FAAH2: variants seen among roughly 807,000 people sequenced by gnomAD.
The protein encoded by FAAH2 is fatty acid amide hydrolase 2.
FAAH2 carries 60 observed loss-of-function variants against 36.9 expected under a neutral mutation model. The observed-to-expected ratio is 1.63, with a 90% confidence interval of 1.32 to 2.02. The LOEUF is 2.02. FAAH2 is among the 30% of genes most tolerant of loss of function. The pLI, the probability that FAAH2 is intolerant of heterozygous loss-of-function variation, is 0.00. For missense variants in FAAH2, 689 were observed against 397.5 expected, an observed-to-expected ratio of 1.73 and a Z score of -6.23; for synonymous variants, 214 against 143.8, an observed-to-expected ratio of 1.49 and a Z score of -3.49.
chrX:57,321,606 T>C (rs2053028559), intron 3 of FAAH2, among the ~76,000 whole-genome samples: 2 of 110,798 alleles, frequency 1.8e-5, no homozygotes, highest in Non-Finnish European at 3.8e-5. Context: ...TTGGTAGATT[T>C]TTCTCAATTT....
At chrX:57,403,231 C>A in intron 7 of FAAH2, among the ~76,000 whole-genome samples, 1 of 112,205 alleles carries the variant, frequency 8.9e-6, no homozygotes. Context: ...ACGCCAGCAC[C>A]CCTAGTAATT....
chrX:57,307,379 A>G (rs1331918415), intron 2 of FAAH2, among the ~76,000 whole-genome samples: 1 of 110,353 alleles, frequency 9.1e-6, no homozygotes, highest in African/African-American at 3.3e-5. Context: ...AAACTGAAAT[A>G]CAGAAAGGTT....
the FAAH2 span, among the ~76,000 whole-genome samples, chrX:57,205,112 G>T: frequency 8.9e-6 from 1 of 112,434 alleles, no homozygotes; most frequent in Non-Finnish European, 1.9e-5. Flanking sequence ...TCAAATGAGG[G>T]AATATGTGTG....
At chrX:57,161,158 G>A in the FAAH2 span, among the ~76,000 whole-genome samples, 2 of 111,793 alleles carry the variant, frequency 1.8e-5, no homozygotes, top group African/African-American at 6.5e-5. Flanking sequence ...GTTTCCATGA[G>A]GTTGAGCAGT....
chrX:57,333,599 T>TAAAA (rs60693418), intron 4 of FAAH2, among the ~76,000 whole-genome samples: 5 of 104,420 alleles, frequency 4.8e-5, no homozygotes, highest in African/African-American at 1.0e-4. Flanking sequence ...ATGCTAGAAA[T>TAAAA]AAAAAAAAAA....
At chrX:57,434,548 G>A (rs1471604206) in intron 8 of FAAH2, among the ~76,000 whole-genome samples, 1 of 109,019 alleles carries the variant, frequency 9.2e-6, no homozygotes, top group Non-Finnish European at 1.9e-5. Flanking sequence ...CCAAGCAGAA[G>A]GAAGACTCTC....
At chrX:57,393,585 G>T in intron 7 of FAAH2, 1 of 899,262 alleles carries the variant, frequency 1.1e-6, no homozygotes, top group South Asian at 2.0e-5. Flanking sequence ...ATGAGATTGG[G>T]CTTGATTGTG....
At chrX:57,304,036 A>T (rs1023311959) in intron 2 of FAAH2, among the ~76,000 whole-genome samples, 4 of 110,568 alleles carry the variant, frequency 3.6e-5, no homozygotes, top group Non-Finnish European at 7.6e-5. Flanking sequence ...GTGAAACCCC[A>T]TCTCTACTAA....
intron 10 of FAAH2, among the ~76,000 whole-genome samples, chrX:57,477,679 C>T (rs914381564): frequency 6.8e-5 from 7 of 103,385 alleles, no homozygotes; most frequent in African/African-American, 2.4e-4. Context: ...AAGATGTTTC[C>T]CTTCCTGTGC....
At chrX:57,229,347 A>T in the FAAH2 span, 1 of 111,734 alleles carries the variant, frequency 8.9e-6, no homozygotes, top group Non-Finnish European at 1.9e-5. Flanking sequence ...TTCCCTTCCC[A>T]ATAGGGCTTC....
chrX:57,483,970 T>C (rs1161404229), intron 10 of FAAH2, among the ~76,000 whole-genome samples: 1 of 109,240 alleles, frequency 9.2e-6, no homozygotes, highest in Non-Finnish European at 1.9e-5. Flanking sequence ...CACACCCAGC[T>C]AATTTTGTAT....
At chrX:57,458,889 G>A (rs1021150429) in intron 10 of FAAH2, among the ~76,000 whole-genome samples, 5 of 112,225 alleles carry the variant, frequency 4.5e-5, no homozygotes, top group African/African-American at 1.6e-4. Flanking sequence ...AAACTGGGAG[G>A]CTGTTTGGGC....
At chrX:57,290,273 G>T (rs1275500685) in intron 1 of FAAH2, 5 of 747,560 alleles carry the variant, frequency 6.7e-6, no homozygotes, top group Admixed American at 9.3e-5. Flanking sequence ...AAGATCTTTG[G>T]GGTTGTATAC....
At chrX:57,403,565 A>G (rs2055492599) in intron 7 of FAAH2, among the ~76,000 whole-genome samples, 1 of 112,873 alleles carries the variant, frequency 8.9e-6, no homozygotes. Flanking sequence ...TTCATTTCAG[A>G]GAGGGTGTGG....
chrX:57,383,128 A>C (rs1371534799), intron 7 of FAAH2, among the ~76,000 whole-genome samples: 5 of 111,729 alleles, frequency 4.5e-5, no homozygotes, highest in Non-Finnish European at 9.4e-5. Context: ...ATTTAACAAC[A>C]CTTCAAGCTA....
chrX:57,169,803 A>G, the FAAH2 span, among the ~76,000 whole-genome samples: 1 of 104,768 alleles, frequency 9.5e-6, no homozygotes, highest in Non-Finnish European at 2.0e-5. Flanking sequence ...CAAATTTCAG[A>G]CTTACCAGTC....
chrX:57,405,686 T>C (rs1259236780), intron 7 of FAAH2, among the ~76,000 whole-genome samples: 7 of 103,059 alleles, frequency 6.8e-5, no homozygotes, highest in Non-Finnish European at 1.2e-4. Flanking sequence ...AAAATTTTTC[T>C]CTGACTGTGT....
At chrX:57,132,746 A>T in the FAAH2 span, among the ~76,000 whole-genome samples, 7 of 112,626 alleles carry the variant, frequency 6.2e-5, no homozygotes, top group Admixed American at 6.5e-4. Context: ...ACTAAGACAA[A>T]CCTTGTCTCC....
the FAAH2 span, among the ~76,000 whole-genome samples, chrX:57,244,282 A>T: frequency 9.0e-6 from 1 of 111,089 alleles, no homozygotes; most frequent in Admixed American, 9.6e-5. Context: ...GGTGTACCTG[A>T]AAGTGATGGG....
Sources: allele counts gnomAD v4.1 joint callset (sites outside exome capture counted in the v4.1 genomes callset), GRCh38; gene constraint gnomAD v4.1.1; transcripts MANE v1.5; gene names NCBI Gene and HGNC (gene_info 2026-07-23, HGNC 2026-07-21).